The following MID2 variants were observed in gnomAD, a reference collection of about 807,000 sequenced individuals.
MID2 encodes the protein midline 2.
A neutral mutation model predicts 46.1 loss-of-function variants in MID2; 13 were observed. That is an observed-to-expected ratio of 0.28 (90% CI 0.18 to 0.45). The LOEUF is 0.45. Among genes scored for constraint, MID2 ranks in the 20% least tolerant of loss-of-function variants. MID2 has a pLI of 1.00. For missense variants in MID2, 431 were observed against 575.4 expected (o/e 0.75, Z 2.57); for synonymous variants, 199 against 212.3 (o/e 0.94, Z 0.55).
At chrX:107,858,347 C>A (rs1025155822) in intron 3 of MID2, among the ~76,000 whole-genome samples, 1 of 112,103 alleles carries the variant, frequency 8.9e-6, no homozygotes, top group Non-Finnish European at 1.9e-5. Flanking sequence ...TTTGTCCTGG[C>A]TCATCAGGCA....
chrX:107,888,076 C>T (rs1932504327), intron 3 of MID2, among the ~76,000 whole-genome samples: 1 of 111,771 alleles, frequency 8.9e-6, no homozygotes, highest in Non-Finnish European at 1.9e-5. Flanking sequence ...AAAAAACCAG[C>T]TCCTGGATTC....
chrX:107,903,282 G>A (rs1011526293), intron 3 of MID2, among the ~76,000 whole-genome samples: 5 of 109,161 alleles, frequency 4.6e-5, no homozygotes, highest in Non-Finnish European at 9.5e-5. Context: ...TAGAGATGAG[G>A]AGAAGGAGAA....
Position 107,927,131 on chromosome X carries a change from C to A in MID2, c.*58C>A. 1.9e-6 allele frequency: 2 copies of A among 1,033,186 alleles called. No individual in the cohort carries two copies. Among genetic ancestry groups the A allele is most frequent in the South Asian group, 4.9e-5 (2 of 40,531 alleles). The allele number at this position is 1,033,186 out of a possible 1,213,427, so 85.1% of individuals were successfully genotyped here. ...TAGTTCAGCAGTTCTTCCCCTCCTACACCTAAGTTAGCGTTCAATATACGA... is the reference window on the plus strand; with the variant it reads ...TAGTTCAGCAGTTCTTCCCCTCCTAAACCTAAGTTAGCGTTCAATATACGA... On this transcript the variant is annotated 3_prime_UTR_variant, in exon 10 of 10. Coordinates refer to ENST00000262843, the MANE Select transcript of MID2 (RefSeq NM_012216.4).
intron 1 of MID2, among the ~76,000 whole-genome samples, chrX:107,839,887 C>T (rs149722664): frequency 2.9e-3 from 323 of 112,223 alleles, no homozygotes; most frequent in Non-Finnish European, 5.3e-3. Flanking sequence ...GGCAATATGA[C>T]TTTATTATTG....
In MID2 at chrX:107,840,834, A is replaced by G. The variant is rs777529546; in HGVS notation, c.169A>G (p.Ile57Val). ...HSLCFSCAHRILVSSCSSGES... is the reference protein window; with the variant it reads ...HSLCFSCAHRVLVSSCSSGES... ...CCTCTGCTTCAGCTGTGCCCATCGC[A>G]TTTTGGTATCAAGCTGCAGCTCTGG... The change falls in exon 2 of 10, where the codon ATT becomes GTT. Residue 57 changes from isoleucine to valine, a missense_variant. Coordinates refer to ENST00000262843, the MANE Select transcript of MID2 (RefSeq NM_012216.4). The G allele has an allele frequency of 8.3e-6, 10 of 1,211,449 alleles. No homozygotes were observed. In the East Asian group the frequency reaches 3.0e-4, roughly 36 times the overall value.
chrX:107,892,202 G>A (rs1014732977), intron 3 of MID2, among the ~76,000 whole-genome samples: 6 of 111,864 alleles, frequency 5.4e-5, no homozygotes, highest in Non-Finnish European at 9.4e-5. Context: ...TTAAGAAGGC[G>A]GAAACATTCA....
Position 107,917,578 on chromosome X carries a change from C to T in MID2, c.1274C>T (p.Ser425Leu), listed in dbSNP as rs773084188. The change falls in exon 7 of 10, where the codon TCG becomes TTG. Residue 425 changes from serine (S) to leucine (L), a missense_variant. By Grantham distance (145) the Ser-to-Leu change is moderately radical. Coordinates refer to ENST00000262843, the MANE Select transcript of MID2 (RefSeq NM_012216.4). ...SHDTITVHWI[S>L]DDEFSISSYE... ...GACACCATTACAGTCCACTGGATCT[C>T]GGATGATGAGTTCAGCATCAGCTCC... 2.5e-6 allele frequency: 3 copies of T among 1,211,441 alleles called. No individual in the cohort carries two copies. Among genetic ancestry groups the T allele is most frequent in the Admixed American group, 2.2e-5 (1 of 46,041 alleles).
intron 7 of MID2, among the ~76,000 whole-genome samples, chrX:107,920,663 C>A (rs1933055005): frequency 8.9e-6 from 1 of 111,970 alleles, no homozygotes; most frequent in Non-Finnish European, 1.9e-5. Flanking sequence ...ATAATTCAAT[C>A]ATAAGTCCCA....
intron 5 of MID2, among the ~76,000 whole-genome samples, chrX:107,907,452 G>A (rs909629691): frequency 1.8e-5 from 2 of 111,924 alleles, no homozygotes; most frequent in Non-Finnish European, 3.8e-5. Context: ...AACACACTTA[G>A]GTCCACATCC....
chrX:107,891,617 C>T (rs1488846918), intron 3 of MID2, among the ~76,000 whole-genome samples: 1 of 111,693 alleles, frequency 9.0e-6, no homozygotes, highest in Admixed American at 9.5e-5. Context: ...GGGGTTTTCC[C>T]CGTAGAAACC....
At chrX:107,906,590 G>A (rs955879260) in intron 5 of MID2, among the ~76,000 whole-genome samples, 2 of 111,320 alleles carry the variant, frequency 1.8e-5, no homozygotes, top group Non-Finnish European at 3.8e-5. Flanking sequence ...TCTTATTTTT[G>A]TTTTGTTTTG....
chrX:107,894,182 T>C (rs1401167079), intron 3 of MID2, among the ~76,000 whole-genome samples: 1 of 111,266 alleles, frequency 9.0e-6, no homozygotes, highest in Non-Finnish European at 1.9e-5. Flanking sequence ...TCAGGCCGAG[T>C]ATGGTGTCCT....
chrX:107,838,731 A>G (rs2147824301), intron 1 of MID2, among the ~76,000 whole-genome samples: 1 of 112,321 alleles, frequency 8.9e-6, no homozygotes, highest in African/African-American at 3.2e-5. Flanking sequence ...ACAAATACCA[A>G]TGGCAGAGCA....
At chrX:107,871,082 G>A (rs996667195) in intron 3 of MID2, among the ~76,000 whole-genome samples, 7 of 111,021 alleles carry the variant, frequency 6.3e-5, no homozygotes, top group African/African-American at 2.3e-4. Context: ...ATTTTCCTGA[G>A]TAGAGGTTTA....
chrX:107,844,657 C>A (rs1467250566), intron 2 of MID2, among the ~76,000 whole-genome samples: 3 of 111,141 alleles, frequency 2.7e-5, no homozygotes, highest in African/African-American at 9.8e-5. Flanking sequence ...AAGTCCCATA[C>A]AACTTTTTTC....
intron 3 of MID2, among the ~76,000 whole-genome samples, chrX:107,875,213 G>T (rs1602478934): frequency 9.0e-6 from 1 of 111,487 alleles, no homozygotes; most frequent in Non-Finnish European, 1.9e-5. Context: ...CATCCTTTAG[G>T]TCCAGGACTG....
At chrX:107,881,930 A>C (rs1932329192) in intron 3 of MID2, among the ~76,000 whole-genome samples, 1 of 112,390 alleles carries the variant, frequency 8.9e-6, no homozygotes, top group South Asian at 3.7e-4. Flanking sequence ...GGGTGAAATA[A>C]CATAACGTTT....
chrX:107,911,318 T>A (rs1932894730), intron 5 of MID2, among the ~76,000 whole-genome samples: 1 of 111,806 alleles, frequency 8.9e-6, no homozygotes, highest in Non-Finnish European at 1.9e-5. Flanking sequence ...ATTAGTGAAC[T>A]GTTGGACATC....
intron 2 of MID2, among the ~76,000 whole-genome samples, chrX:107,847,600 G>T (rs1465065177): frequency 8.9e-6 from 1 of 111,773 alleles, no homozygotes. Context: ...ATTAGGAAGG[G>T]GTGGCAGTTT....
Sources: allele counts gnomAD v4.1 joint callset (sites outside exome capture counted in the v4.1 genomes callset), GRCh38; gene constraint gnomAD v4.1.1; transcripts MANE v1.5; gene names NCBI Gene and HGNC (gene_info 2026-07-23, HGNC 2026-07-21).